The following TXNRD2 variants were observed in gnomAD, a reference collection of about 807,000 sequenced individuals.
TXNRD2 encodes thioredoxin reductase 2, mitochondrial.
TXNRD2 carries 67 observed loss-of-function variants against 70.8 expected under a neutral mutation model. The ratio of observed to expected loss-of-function variants is 0.95; its 90% CI spans 0.78 to 1.16. The LOEUF is 1.16. Among genes scored for constraint, TXNRD2 ranks in the 50% most tolerant of loss-of-function variants. TXNRD2 has a pLI of 0.00. For missense variants in TXNRD2, 644 were observed against 719.9 expected (o/e 0.89, Z 1.21); for synonymous variants, 301 against 295.8 (o/e 1.02, Z -0.18).
chr22:19,913,094 G>C (rs1940486522), intron 7 of TXNRD2, among the ~76,000 whole-genome samples: 1 of 152,092 alleles, frequency 6.6e-6, no homozygotes, highest in East Asian at 1.9e-4. Context: ...CAGCCCATTT[G>C]CTTTCCCTGC....
At chr22:19,897,864 G>A (rs766290568) in intron 10 of TXNRD2, among the ~76,000 whole-genome samples, 175 bp downstream of exon 10, 3 of 152,190 alleles carry the variant, frequency 2.0e-5, no homozygotes, top group African/African-American at 4.8e-5. Context: ...CTCCTCCCTC[G>A]CTCCGGCCGA....
intron 8 of TXNRD2, among the ~76,000 whole-genome samples, chr22:19,901,900 G>A (rs3788314): frequency 0.55 from 83,806 of 152,032 alleles, 24,194 homozygotes; most frequent in African/African-American, 0.74. Flanking sequence ...ACTTACCGCT[G>A]CATTAAAAGA....
At chr22:19,885,602 C>T (rs1052874022) in intron 11 of TXNRD2, among the ~76,000 whole-genome samples, 6 of 152,312 alleles carry the variant, frequency 3.9e-5, no homozygotes, top group South Asian at 2.1e-4. Context: ...GGCTGGGGCA[C>T]GAAGGAGGGG....
In TXNRD2 at chr22:19,894,946, G is replaced by T. The variant is rs1461565902; in HGVS notation, c.949+461C>A. ...GAGGTTGCCACTGCACTCCAGCCTG[G>T]GCGACAGAGCGAGACTCCATCTCAA... On this transcript the variant is annotated intron_variant, in intron 11 of 17. Transcript: ENST00000400521. 4.3e-6 allele frequency: 6 copies of T among 1,382,286 alleles called. No homozygotes were observed. The African/African-American group carries it at 8.9e-5, about 20-fold the overall frequency. The allele number at this position is 1,382,286 out of a possible 1,614,324, so 85.6% of individuals were successfully genotyped here. A position where few individuals can be genotyped will look rare whatever the true frequency, so the allele number is the denominator to read the frequency against.
At chr22:19,885,333 A>G (rs1938977361) in intron 11 of TXNRD2, among the ~76,000 whole-genome samples, 1 of 152,194 alleles carries the variant, frequency 6.6e-6, no homozygotes, top group Non-Finnish European at 1.5e-5. Context: ...GCTGGCCGGT[A>G]TGCGGGTGGC....
intron 8 of TXNRD2, among the ~76,000 whole-genome samples, chr22:19,900,478 C>T (rs1181238264): frequency 6.6e-6 from 1 of 152,148 alleles, no homozygotes. Flanking sequence ...TGGCCAGGTG[C>T]GGTGGCTCAC....
At chr22:19,895,622 C>A in intron 10 of TXNRD2, 41 bp from the exon 11 acceptor site, 8 of 1,602,134 alleles carry the variant, frequency 5.0e-6, no homozygotes, top group South Asian at 2.2e-5. Context: ...ACCAGGTGGC[C>A]GTGGGAGAGA....
At chr22:19,917,863 C>A (rs569843348) in intron 5 of TXNRD2, among the ~76,000 whole-genome samples, 1 of 152,212 alleles carries the variant, frequency 6.6e-6, no homozygotes, top group East Asian at 1.9e-4. Flanking sequence ...GCCCCAAGCG[C>A]CTCCTCCCTG....
intron 1 of TXNRD2, among the ~76,000 whole-genome samples, chr22:19,931,310 T>C (rs1294046637): frequency 6.6e-6 from 1 of 152,174 alleles, no homozygotes; most frequent in East Asian, 1.9e-4. Flanking sequence ...GCGTGTGTGA[T>C]CATCTTTGCA....
chr22:19,899,081 C>G lies in TXNRD2; in HGVS notation c.663-13G>C, dbSNP rs1162356991. 6 of 1,607,312 alleles carry G rather than the reference C, an allele frequency of 3.7e-6. No individual in the cohort carries two copies. Among genetic ancestry groups the G allele is most frequent in the South Asian group, 2.2e-5 (2 of 91,090 alleles). On this transcript the variant is annotated splice_polypyrimidine_tract_variant and intron_variant, in intron 8 of 17. Coordinates refer to ENST00000400521, the MANE Select transcript of TXNRD2 (RefSeq NM_006440.5). The stretch of plus-strand genomic sequence containing the variant: ...CCCGACCACCAACCTGTTAGAGAAA[C>G]AGAGAGAGAGCACATGTAAAGCTGA...
At chr22:19,912,947 G>A (rs1188559198) in intron 7 of TXNRD2, among the ~76,000 whole-genome samples, 1 of 152,212 alleles carries the variant, frequency 6.6e-6, no homozygotes, top group Non-Finnish European at 1.5e-5. Context: ...AGTCAGAGGT[G>A]GTGTGGCCTC....
At chr22:19,924,981 G>GAA (rs66630445) in intron 2 of TXNRD2, among the ~76,000 whole-genome samples, 8 of 134,282 alleles carry the variant, frequency 6.0e-5, no homozygotes, top group South Asian at 2.4e-4. Flanking sequence ...TTAAAGTACT[G>GAA]AAAAAAAAAA....
intron 8 of TXNRD2, among the ~76,000 whole-genome samples, chr22:19,910,393 G>A (rs538091710): frequency 6.6e-6 from 1 of 152,288 alleles, no homozygotes; most frequent in African/African-American, 2.4e-5. Flanking sequence ...ATGAGGGCTG[G>A]GATAGGGATT....
chr22:19,904,018 C>T (rs142271223), intron 8 of TXNRD2, among the ~76,000 whole-genome samples: 181 of 152,358 alleles, frequency 1.2e-3, no homozygotes, highest in African/African-American at 4.1e-3. Flanking sequence ...GCAGAAAAGG[C>T]AAACGGGCTG....
intron 2 of TXNRD2, among the ~76,000 whole-genome samples, chr22:19,922,821 G>A (rs879281430): frequency 6.6e-6 from 1 of 152,040 alleles, no homozygotes; most frequent in Non-Finnish European, 1.5e-5. Context: ...TGAATAGCTG[G>A]GATTACAGGT....
chr22:19,899,244 C>A (rs1183740870), intron 8 of TXNRD2, among the ~76,000 whole-genome samples, 176 bp from the exon 9 acceptor site: 1 of 152,254 alleles, frequency 6.6e-6, no homozygotes, highest in Admixed American at 6.5e-5. Context: ...GCTACACTGT[C>A]AAGCATGTTG....
chr22:19,889,770 C>T (rs1939186266), intron 11 of TXNRD2, among the ~76,000 whole-genome samples: 1 of 152,174 alleles, frequency 6.6e-6, no homozygotes, highest in African/African-American at 2.4e-5. Context: ...GCCACCTCAC[C>T]CGGCCCTTTA....
intron 7 of TXNRD2, 82 bp from the exon 8 acceptor site, chr22:19,911,529 C>CT: frequency 9.7e-7 from 1 of 1,027,292 alleles, no homozygotes; most frequent in Non-Finnish European, 1.5e-6. Flanking sequence ...GCCAGCTTTG[C>CT]AGAATCAAGC....
chr22:19,887,009 G>A (rs546811958), intron 11 of TXNRD2, among the ~76,000 whole-genome samples: 1 of 152,352 alleles, frequency 6.6e-6, no homozygotes, highest in East Asian at 1.9e-4. Flanking sequence ...TCCTGGGGCA[G>A]GCGGCGCACA....
Sources: allele counts gnomAD v4.1 joint callset (sites outside exome capture counted in the v4.1 genomes callset), GRCh38; gene constraint gnomAD v4.1.1; transcripts MANE v1.5; gene names NCBI Gene and HGNC (gene_info 2026-07-23, HGNC 2026-07-21).